ATF2: variants seen among roughly 807,000 people sequenced by gnomAD.
The protein encoded by ATF2 is activating transcription factor 2, also known as cyclic AMP-dependent transcription factor ATF-2.
A neutral mutation model predicts 60.6 loss-of-function variants in ATF2; 24 were observed. The observed-to-expected ratio is 0.40, with a 90% confidence interval of 0.29 to 0.56. The LOEUF (loss-of-function observed/expected upper bound fraction) is 0.56. ATF2 is among the 20% of genes least tolerant of loss of function. The pLI, the probability that ATF2 is intolerant of heterozygous loss-of-function variation, is 0.54. For missense variants in ATF2, 433 were observed against 607.7 expected (o/e 0.71, Z 3.02); for synonymous variants, 206 against 215.4 (o/e 0.96, Z 0.38).
At position 175,074,582 on chromosome 2, in the gene ATF2, T is replaced by TA. The variant is rs55961757; in HGVS notation, c.*26dup. The TA allele has an allele frequency of 1.9e-6, 3 of 1,593,112 alleles. No individual in the cohort carries two copies. The African/African-American group carries it at 4.0e-5, about 21-fold the overall frequency. Reference sequence around the variant, plus strand: ...CCCTTTGAAGTCACTAATGAGTATCTAAAACTGTTGTACTGCAGGTTTTTA... The same window carrying TA: ...CCCTTTGAAGTCACTAATGAGTATCTAAAAACTGTTGTACTGCAGGTTTTTA... On this transcript the variant is annotated 3_prime_UTR_variant, in exon 14 of 14. Transcript: ENST00000264110.
intron 5 of ATF2, 138 bp from the exon 6 acceptor site, chr2:175,118,507 A>G (rs1696737900): frequency 1.4e-6 from 1 of 693,112 alleles, no homozygotes; most frequent in Admixed American, 3.7e-5. Flanking sequence ...TTCCTTTAAA[A>G]CAAACAAAAT....
At chr2:175,136,919 T>A (rs188582124) in intron 2 of ATF2, among the ~76,000 whole-genome samples, 53 of 149,458 alleles carry the variant, frequency 3.5e-4, no homozygotes, top group African/African-American at 1.1e-3. Flanking sequence ...TGTCCCACAA[T>A]GTAGTTGATC....
intron 13 of ATF2, among the ~76,000 whole-genome samples, chr2:175,079,324 T>C (rs1026609356): frequency 6.6e-6 from 1 of 152,152 alleles, no homozygotes; most frequent in African/African-American, 2.4e-5. Context: ...CCTTTTAAAC[T>C]ATGAAAATCC....
At chr2:175,136,540 A>C (rs2105767779) in intron 2 of ATF2, 54 bp from the exon 3 acceptor site, 2 of 1,151,976 alleles carry the variant, frequency 1.7e-6, no homozygotes, top group African/African-American at 1.5e-5. Flanking sequence ...ACACTTCTTG[A>C]AACAGTAGAA....
intron 3 of ATF2, among the ~76,000 whole-genome samples, chr2:175,133,323 G>C (rs1697880984): frequency 6.6e-6 from 1 of 152,044 alleles, no homozygotes; most frequent in African/African-American, 2.4e-5. Context: ...GGAAAAGAAG[G>C]AGTACAGAAA....
At chr2:175,140,514 G>A (rs927205808) in intron 2 of ATF2, among the ~76,000 whole-genome samples, 4 of 152,146 alleles carry the variant, frequency 2.6e-5, no homozygotes, top group African/African-American at 9.6e-5. Context: ...ATTACAAAGG[G>A]GCATGAGAAA....
intron 13 of ATF2, 158 bp from the exon 14 acceptor site, chr2:175,074,993 A>AT: frequency 6.7e-7 from 1 of 1,503,576 alleles, no homozygotes; most frequent in Non-Finnish European, 8.9e-7. Context: ...GAAGTAGGCA[A>AT]TTTTACCTGC....
intron 2 of ATF2, among the ~76,000 whole-genome samples, chr2:175,141,450 T>C (rs1466439281): frequency 1.3e-5 from 2 of 152,148 alleles, no homozygotes; most frequent in East Asian, 3.8e-4. Context: ...CCTAGGTATG[T>C]GGTTCTGGTA....
intron 12 of ATF2, among the ~76,000 whole-genome samples, chr2:175,082,059 A>G (rs1448994862): frequency 6.6e-6 from 1 of 152,182 alleles, no homozygotes; most frequent in Non-Finnish European, 1.5e-5. Flanking sequence ...CTCCGTCTCA[A>G]AAAAAATAAA....
At chr2:175,133,978 C>T (rs1324988677) in intron 3 of ATF2, among the ~76,000 whole-genome samples, 1 of 151,956 alleles carries the variant, frequency 6.6e-6, no homozygotes, top group Non-Finnish European at 1.5e-5. Context: ...CAGTGTGTTC[C>T]AGGAAACCTT....
chr2:175,130,037 C>A (rs1024854011), intron 4 of ATF2, 101 bp downstream of exon 4: 7 of 930,226 alleles, frequency 7.5e-6, no homozygotes, highest in African/African-American at 7.1e-5. Context: ...TAAAATTTTA[C>A]AGAATACTGT....
At position 175,112,139 on chromosome 2, in the gene ATF2, C is replaced by T. The variant is rs1574399220; in HGVS notation, c.742-485G>A. 4.6e-5 allele frequency among the ~76,000 whole-genome samples: 7 copies of T among 152,186 alleles called. No individual in the cohort carries two copies. In the South Asian group the frequency reaches 1.2e-3, roughly 27 times the overall value. On this transcript the variant is annotated intron_variant, in intron 9 of 13. Coordinates refer to ENST00000264110, the MANE Select transcript of ATF2 (RefSeq NM_001880.4). The stretch of plus-strand genomic sequence containing the variant: ...CTGAAATAATCTGTAACAGGTTTTA[C>T]CATTTTGGTTTTTTCCTTTTTTTTC...
intron 11 of ATF2, 109 bp downstream of exon 11, chr2:175,097,335 T>A (rs1694998066): frequency 2.1e-6 from 3 of 1,436,232 alleles, no homozygotes; most frequent in Non-Finnish European, 2.8e-6. Context: ...GATACATCTT[T>A]GGAATAACAA....
intron 11 of ATF2, 93 bp downstream of exon 11, chr2:175,097,351 C>G: frequency 1.3e-6 from 2 of 1,498,824 alleles, no homozygotes; most frequent in Non-Finnish European, 1.8e-6. Flanking sequence ...AACAACATGA[C>G]CAGAGTAATA....
At chr2:175,108,400 C>T (rs1270414003) in intron 10 of ATF2, among the ~76,000 whole-genome samples, 4 of 150,814 alleles carry the variant, frequency 2.7e-5, no homozygotes, top group Admixed American at 2.0e-4. Flanking sequence ...CCAGCCGCCC[C>T]GTCCGGGAGG....
intron 2 of ATF2, among the ~76,000 whole-genome samples, chr2:175,142,720 A>AGAGAGTGT (rs1491359659): frequency 1.3e-4 from 9 of 71,096 alleles, no homozygotes; most frequent in African/African-American, 3.3e-4. Context: ...AGAGAGAGAG[A>AGAGAGTGT]GTGTGTGTGT....
rs1559078988 is a variant in ATF2, at chr2:175,113,446, T to C, written c.741+548A>G. 3.9e-5 allele frequency among the ~76,000 whole-genome samples: 6 copies of C among 152,218 alleles called. No individual in the cohort carries two copies. The South Asian group carries it at 1.0e-3, about 26-fold the overall frequency. ...CAAACTATTAAATATCATAAGTAGA[T>C]AGTTAACTATTTTGTCTACGTCTTT... On this transcript the variant is annotated intron_variant, in intron 9 of 13. Transcript: ENST00000264110.
intron 2 of ATF2, among the ~76,000 whole-genome samples, chr2:175,142,190 T>C (rs1698594218): frequency 6.7e-6 from 1 of 150,304 alleles, no homozygotes; most frequent in Non-Finnish European, 1.5e-5. Context: ...TCTTTTCTTT[T>C]TTTTTTTTTT....
chr2:175,104,329 G>A (rs982039798), intron 10 of ATF2, among the ~76,000 whole-genome samples: 15 of 152,128 alleles, frequency 9.9e-5, no homozygotes, highest in Non-Finnish European at 2.1e-4. Context: ...GATCATAAAG[G>A]TCTAATAAAT....
Sources: allele counts gnomAD v4.1 joint callset (sites outside exome capture counted in the v4.1 genomes callset), GRCh38; gene constraint gnomAD v4.1.1; transcripts MANE v1.5; gene names NCBI Gene and HGNC (gene_info 2026-07-23, HGNC 2026-07-21).